Variants in SPINT2 observed in about 807,000 individuals in gnomAD.
SPINT2 encodes the protein serine peptidase inhibitor, Kunitz type 2.
Under a neutral mutation model 30.1 loss-of-function variants are expected in SPINT2, and 18 were observed. That is an observed-to-expected ratio of 0.60 (90% confidence interval 0.41 to 0.89). The LOEUF is 0.89. SPINT2 is among the 40% of genes least tolerant of loss of function. The probability of loss-of-function intolerance (pLI) is 0.00; values close to 1 mark genes in which losing one functional copy is unlikely to be tolerated. For missense variants in SPINT2, 276 were observed against 334.3 expected (o/e 0.83, Z 1.36); for synonymous variants, 139 against 137.9 (o/e 1.01, Z -0.05).
chr19:38,273,028 G>A (rs994735600), intron 1 of SPINT2, among the ~76,000 whole-genome samples: 22 of 151,316 alleles, frequency 1.5e-4, no homozygotes, highest in African/African-American at 5.1e-4. Flanking sequence ...GGCCTGAAAT[G>A]TAAACTTTTA....
chr19:38,269,110 T>C (rs950789736), intron 1 of SPINT2, among the ~76,000 whole-genome samples: 3 of 152,160 alleles, frequency 2.0e-5, no homozygotes, highest in African/African-American at 7.2e-5. Flanking sequence ...TTTTTGGGTT[T>C]TTTTTTGAGA....
At chr19:38,289,030 C>A in intron 3 of SPINT2, 108 bp from the exon 4 acceptor site, 1 of 999,790 alleles carries the variant, frequency 1.0e-6, no homozygotes, top group Non-Finnish European at 1.6e-6. Context: ...CACACCCCTT[C>A]TTAAAGGCGT....
rs200600070 is a variant in SPINT2, at chr19:38,291,950, G to A, written c.703G>A (p.Val235Ile). Residue 235 changes from valine (V) to isoleucine (I), a missense_variant, in exon 7 of 7, where the codon GTC (valine) becomes ATC (isoleucine). Val to Ile is a conservative substitution (Grantham distance 29). Coordinates refer to ENST00000301244, the MANE Select transcript of SPINT2 (RefSeq NM_021102.4). ...GAACCAGGAGCGTGCCCTGCGCACC[G>A]TCTGGAGCTCCGGAGATGACAAGGA... The part of the protein sequence containing the change: ...RRNQERALRT[V>I]WSSGDDKEQL... The A allele has an allele frequency of 1.2e-4, 187 of 1,613,998 alleles. No individual in the cohort carries two copies. The highest frequency in any genetic ancestry group is 1.4e-4 in the Non-Finnish European group (171 of 1,180,018).
At chr19:38,271,744 G>A (rs968341951) in intron 1 of SPINT2, among the ~76,000 whole-genome samples, 2 of 151,270 alleles carry the variant, frequency 1.3e-5, no homozygotes, top group South Asian at 2.1e-4. Flanking sequence ...GCTTGAACTC[G>A]GAGGGTGGAG....
intron 2 of SPINT2, among the ~76,000 whole-genome samples, chr19:38,285,715 G>A (rs769842195): frequency 6.6e-6 from 1 of 152,042 alleles, no homozygotes; most frequent in Non-Finnish European, 1.5e-5. Flanking sequence ...TATTTTCAGC[G>A]GCACTCCCCC....
chr19:38,281,142 C>T (rs892718062), intron 1 of SPINT2, among the ~76,000 whole-genome samples: 1 of 152,176 alleles, frequency 6.6e-6, no homozygotes, highest in African/African-American at 2.4e-5. Context: ...AGAGGACCTC[C>T]TCCTGCTGTT....
intron 1 of SPINT2, among the ~76,000 whole-genome samples, chr19:38,281,831 C>G (rs868438988): frequency 6.6e-6 from 1 of 152,172 alleles, no homozygotes; most frequent in South Asian, 2.1e-4. Context: ...TCATCATCCC[C>G]TAAAGATCCT....
Position 38,264,756 on chromosome 19 carries a change from C to A in SPINT2, c.-137C>A. On this transcript the variant is annotated 5_prime_UTR_variant, in exon 1 of 7. Transcript: ENST00000301244. Reference sequence around the variant, plus strand: ...AAGGCGACTTCCGGGGGCTTTGGCACCTGGCGGACCCTCCCGGAGCGTCGG... The same window carrying A: ...AAGGCGACTTCCGGGGGCTTTGGCAACTGGCGGACCCTCCCGGAGCGTCGG... The A allele has an allele frequency of 1.1e-6, 1 of 910,058 alleles. No homozygotes were observed. The allele number at this position is 910,058 out of a possible 1,614,324, so 56.4% of individuals were successfully genotyped here.
intron 2 of SPINT2, among the ~76,000 whole-genome samples, chr19:38,286,459 C>T (rs1239641108): frequency 1.3e-5 from 2 of 152,110 alleles, no homozygotes; most frequent in East Asian, 1.9e-4. Context: ...CCATCTTGGA[C>T]GAGGTGTGGG....
intron 1 of SPINT2, among the ~76,000 whole-genome samples, chr19:38,267,582 C>G (rs1968394585): frequency 6.7e-6 from 1 of 148,752 alleles, no homozygotes; most frequent in African/African-American, 2.5e-5. Context: ...GAGTGAGATG[C>G]ATGAGAGGGA....
At chr19:38,280,157 C>T (rs1882069864) in intron 1 of SPINT2, among the ~76,000 whole-genome samples, 1 of 152,132 alleles carries the variant, frequency 6.6e-6, no homozygotes, top group Non-Finnish European at 1.5e-5. Flanking sequence ...CCCAGCACGT[C>T]AACAGAAAGC....
intron 4 of SPINT2, chr19:38,289,760 C>T (rs1407448253): frequency 1.4e-5 from 5 of 366,584 alleles, no homozygotes; most frequent in Non-Finnish European, 2.6e-5. Context: ...TTTACATTGT[C>T]CCTGAACCTC....
At chr19:38,268,766 C>CGCGCGTGTGTGTGTGTGTGT (rs375982086) in intron 1 of SPINT2, among the ~76,000 whole-genome samples, 167 of 149,914 alleles carry the variant, frequency 1.1e-3, no homozygotes, top group African/African-American at 2.8e-3. Flanking sequence ...TGCGCGCGCG[C>CGCGCGTGTGTGTGTGTGTGT]GTGTGTGTGT....
intron 2 of SPINT2, among the ~76,000 whole-genome samples, chr19:38,287,261 C>T (rs961032299): frequency 3.3e-5 from 5 of 152,060 alleles, no homozygotes; most frequent in Admixed American, 1.3e-4. Context: ...TGCAGTGGTG[C>T]GATTTCGGCT....
At position 38,289,139 on chromosome 19, in the gene SPINT2, TC is replaced by T. The variant is rs1348196809; in HGVS notation, c.342del (p.Arg115GlufsTer92). 6.2e-7 allele frequency: 1 copy of T among 1,613,766 alleles called. No homozygotes were observed. The highest frequency in any genetic ancestry group is 1.1e-5 in the South Asian group (1 of 91,064). On this transcript the variant is annotated frameshift_variant and splice_region_variant, in exon 4 of 7. Transcript: ENST00000301244. LOFTEE classifies it high-confidence loss of function. ...NAADSSVPSA[P>X]RRQDSEDHSS... Reference sequence around the variant, plus strand: ...CTAACACAGATGTTTGTGTTTCAGCTCCCAGAAGGCAGGATTCTGAAGACCA... The same window carrying T: ...CTAACACAGATGTTTGTGTTTCAGCTCCAGAAGGCAGGATTCTGAAGACCA...
intron 3 of SPINT2, chr19:38,288,308 T>A (rs1228662057): frequency 2.6e-6 from 1 of 378,386 alleles, no homozygotes. Context: ...CTGTCTCCTC[T>A]GCTTCCTTTG....
intron 1 of SPINT2, among the ~76,000 whole-genome samples, chr19:38,266,254 A>C (rs928422247): frequency 6.6e-6 from 1 of 152,140 alleles, no homozygotes; most frequent in African/African-American, 2.4e-5. Context: ...GGTTGGCTGC[A>C]GCCAGATGGC....
chr19:38,290,251 C>T lies in SPINT2; in HGVS notation c.524C>T (p.Ser175Phe), dbSNP rs765774473. The T allele has an allele frequency of 1.9e-6, 3 of 1,612,258 alleles. No homozygotes were observed. Among genetic ancestry groups the T allele is most frequent in the South Asian group, 1.1e-5 (1 of 90,976 alleles). The change falls in exon 5 of 7, where the codon TCT (serine) becomes TTT (phenylalanine). Residue 175 changes from serine to phenylalanine, a missense_variant. By Grantham distance (155) the Ser-to-Phe change is radical. Transcript: ENST00000301244. This position sits in a 1 kb window ranked among gnomAD's most constrained non-coding sequence, Gnocchi z 4.3. ...GCRGNKNSYR[S>F]EEACMLRCFR... is the part of the protein sequence containing the mutation. ...CGGGGCAATAAGAACAGCTACCGCT[C>T]TGAGGAGGCCTGCATGCTCCGCTGC...
intron 1 of SPINT2, among the ~76,000 whole-genome samples, chr19:38,274,742 G>A (rs1172369511): frequency 3.9e-5 from 6 of 152,044 alleles, no homozygotes; most frequent in African/African-American, 1.2e-4. Context: ...TTGAACCCGG[G>A]AGGCAGAGGT....
Sources: allele counts gnomAD v4.1 joint callset (sites outside exome capture counted in the v4.1 genomes callset), GRCh38; gene constraint gnomAD v4.1.1; non-coding constraint Gnocchi (gnomAD v3.1); transcripts MANE v1.5; gene names NCBI Gene and HGNC (gene_info 2026-07-23, HGNC 2026-07-21).